BAZ2B: variants seen among roughly 807,000 people sequenced by gnomAD.
BAZ2B encodes bromodomain adjacent to zinc finger domain protein 2B.
BAZ2B carries 91 observed loss-of-function variants against 246.0 expected under a neutral mutation model. The observed-to-expected ratio is 0.37, with a 90% confidence interval of 0.31 to 0.44. The LOEUF is 0.44. BAZ2B is among the 20% of genes least tolerant of loss of function. The pLI, the probability that BAZ2B is intolerant of heterozygous loss-of-function variation, is 1.00. For missense variants in BAZ2B, 2,332 were observed against 2,533.7 expected, an observed-to-expected ratio of 0.92 and a Z score of 1.71; for synonymous variants, 855 against 860.0, an observed-to-expected ratio of 0.99 and a Z score of 0.10.
In BAZ2B at chr2:159,468,566, C is replaced by A. The variant is rs1387235765; in HGVS notation, c.145+10009G>T. Reference sequence around the variant, plus strand: ...CTAAATGTTAATGACTTCCAAACTACCCATCAGCCAAAGAAGAATTAACAA... The same window carrying A: ...CTAAATGTTAATGACTTCCAAACTAACCATCAGCCAAAGAAGAATTAACAA... On this transcript the variant is annotated intron_variant, in intron 3 of 36. Coordinates refer to ENST00000392783, the MANE Select transcript of BAZ2B (RefSeq NM_013450.4). Among the ~76,000 whole-genome samples the A allele has an allele frequency of 2.0e-5, 3 of 152,242 alleles. 1 individual carries two copies. In the South Asian group the frequency reaches 6.2e-4, roughly 32 times the overall value.
intron 19 of BAZ2B, 78 bp downstream of exon 19, chr2:159,397,267 G>T: frequency 7.7e-7 from 1 of 1,305,134 alleles, no homozygotes; most frequent in East Asian, 2.4e-5. Flanking sequence ...AAAATATTTT[G>T]AAGATTTTCC....
chr2:159,434,214 G>GCAGTGGCGCGATCTCGGCTCACTGT (rs2071726515), intron 8 of BAZ2B: 1 of 151,084 alleles, frequency 6.6e-6, no homozygotes, highest in Non-Finnish European at 1.5e-5. Context: ...AGGCTGGAGT[G>GCAGTGGCGCGATCTCGGCTCACTGT]CAGTGGCGCG....
intron 1 of BAZ2B, among the ~76,000 whole-genome samples, chr2:159,599,517 C>A (rs1691565553): frequency 6.6e-6 from 1 of 152,002 alleles, no homozygotes; most frequent in African/African-American, 2.4e-5. Flanking sequence ...ACTCAGGAGG[C>A]TGAGACAGGA....
At chr2:159,623,250 G>T in the BAZ2B span, among the ~76,000 whole-genome samples, 2 of 152,058 alleles carry the variant, frequency 1.3e-5, no homozygotes, top group African/African-American at 4.8e-5. Flanking sequence ...TATACCTGTA[G>T]TCGCAGGTAC....
intron 27 of BAZ2B, among the ~76,000 whole-genome samples, chr2:159,363,013 T>C (rs2059876382): frequency 6.6e-6 from 1 of 152,172 alleles, no homozygotes; most frequent in African/African-American, 2.4e-5. Context: ...TCCAGCATTA[T>C]ACAGAGCAAG....
intron 1 of BAZ2B, among the ~76,000 whole-genome samples, chr2:159,574,241 A>G (rs1684744505): frequency 6.6e-6 from 1 of 152,170 alleles, no homozygotes; most frequent in Admixed American, 6.6e-5. Flanking sequence ...CAAATGGCCA[A>G]TAAGCATAAG....
intron 2 of BAZ2B, among the ~76,000 whole-genome samples, chr2:159,505,273 A>G (rs1483012935): frequency 6.6e-6 from 1 of 152,198 alleles, no homozygotes; most frequent in Non-Finnish European, 1.5e-5. Flanking sequence ...TACTTCATAA[A>G]CAAGTTTACC....
chr2:159,336,035 C>T (rs1360107899), intron 33 of BAZ2B, among the ~76,000 whole-genome samples: 1 of 152,116 alleles, frequency 6.6e-6, no homozygotes, highest in Non-Finnish European at 1.5e-5. Context: ...GTGGTGGGTG[C>T]CTGTAATCCC....
the BAZ2B span, among the ~76,000 whole-genome samples, chr2:159,639,982 C>T: frequency 6.6e-6 from 1 of 151,748 alleles, no homozygotes; most frequent in Admixed American, 6.6e-5. Context: ...TAAAGATACA[C>T]ATAGACTGAA....
At chr2:159,518,399 A>G (rs2083668579) in intron 2 of BAZ2B, among the ~76,000 whole-genome samples, 1 of 152,164 alleles carries the variant, frequency 6.6e-6, no homozygotes, top group South Asian at 2.1e-4. Flanking sequence ...TTATCCTCTG[A>G]GGCATTCTTT....
At chr2:159,472,295 C>T (rs62173234) in intron 3 of BAZ2B, among the ~76,000 whole-genome samples, 2,707 of 152,254 alleles carry the variant, frequency 0.018, 36 homozygotes, top group Middle Eastern at 0.034. Flanking sequence ...GATTTTTGCA[C>T]ATTGATTTTG....
At chr2:159,685,097 G>A in the BAZ2B span, among the ~76,000 whole-genome samples, 8 of 152,198 alleles carry the variant, frequency 5.3e-5, no homozygotes, top group African/African-American at 1.9e-4. Context: ...TTACTGATTA[G>A]TTTTATTATA....
At chr2:159,693,957 A>C in the BAZ2B span, 1 of 152,314 alleles carries the variant, frequency 6.6e-6, no homozygotes, top group East Asian at 1.9e-4. Context: ...TATAATTTAC[A>C]TATCATAAAA....
At chr2:159,466,773 C>T (rs2077112497) in intron 3 of BAZ2B, among the ~76,000 whole-genome samples, 1 of 152,156 alleles carries the variant, frequency 6.6e-6, no homozygotes, top group Non-Finnish European at 1.5e-5. Context: ...AGACTGATGT[C>T]CTAGATCAAT....
At chr2:159,509,696 C>T (rs2082709808) in intron 2 of BAZ2B, among the ~76,000 whole-genome samples, 1 of 151,984 alleles carries the variant, frequency 6.6e-6, no homozygotes, top group Non-Finnish European at 1.5e-5. Context: ...TACTTGTACA[C>T]CTATATCCCT....
intron 2 of BAZ2B, among the ~76,000 whole-genome samples, chr2:159,514,681 A>C (rs1181030723): frequency 6.6e-6 from 1 of 152,158 alleles, no homozygotes; most frequent in African/African-American, 2.4e-5. Flanking sequence ...GACCTTAATC[A>C]AATTATTTAA....
chr2:159,622,041 G>A, the BAZ2B span, among the ~76,000 whole-genome samples: 6 of 151,894 alleles, frequency 4.0e-5, no homozygotes, highest in Non-Finnish European at 7.4e-5. Context: ...GGGAGGCGGA[G>A]GTTGCGGTGA....
intron 2 of BAZ2B, among the ~76,000 whole-genome samples, chr2:159,501,364 A>C (rs1391464488): frequency 2.0e-5 from 3 of 147,268 alleles, no homozygotes; most frequent in Non-Finnish European, 4.5e-5. Context: ...CATGCACTCC[A>C]GCCTGGGTGA....
intron 20 of BAZ2B, among the ~76,000 whole-genome samples, chr2:159,390,381 C>T (rs2063185497): frequency 6.6e-6 from 1 of 152,020 alleles, no homozygotes; most frequent in Admixed American, 6.6e-5. Flanking sequence ...ACATTTATTT[C>T]CTCAGCTGCT....
Sources: gnomAD v4.1 joint callset for allele counts (sites outside exome capture counted in the v4.1 genomes callset) on GRCh38, gnomAD v4.1.1 for gene constraint, MANE v1.5 for transcripts, NCBI Gene and HGNC (gene_info 2026-07-23, HGNC 2026-07-21) for gene names.